PAPPA2: variants seen among roughly 807,000 people sequenced by gnomAD.
The protein encoded by PAPPA2 is pappalysin 2.
Under a neutral mutation model 176.4 loss-of-function variants are expected in PAPPA2, and 86 were observed. That is an observed-to-expected ratio of 0.49 (90% confidence interval 0.41 to 0.58). The LOEUF is 0.58. PAPPA2 is among the 20% of genes least tolerant of loss of function. PAPPA2 has a pLI of 0.00. For missense variants in PAPPA2, 2,073 were observed against 2,256.9 expected, an observed-to-expected ratio of 0.92 and a Z score of 1.65; for synonymous variants, 809 against 852.2, an observed-to-expected ratio of 0.95 and a Z score of 0.88.
At chr1:176,776,783 A>T (rs1178820877) in intron 17 of PAPPA2, among the ~76,000 whole-genome samples, 2 of 151,848 alleles carry the variant, frequency 1.3e-5, no homozygotes, top group Non-Finnish European at 2.9e-5. Context: ...AATACCCCAT[A>T]ATTTCTCATA....
chr1:176,700,253 G>T (rs990406377), intron 8 of PAPPA2, among the ~76,000 whole-genome samples: 5 of 152,156 alleles, frequency 3.3e-5, no homozygotes, highest in African/African-American at 1.2e-4. Context: ...TACTTACAAA[G>T]AATTCAATAT....
intron 21 of PAPPA2, among the ~76,000 whole-genome samples, chr1:176,831,654 G>C (rs74565892): frequency 0.031 from 4,675 of 152,266 alleles, 252 homozygotes; most frequent in African/African-American, 0.11. Context: ...GTGAGGTAGA[G>C]AGTTTGTGTG....
At chr1:176,543,094 T>G (rs1650446087) in intron 1 of PAPPA2, among the ~76,000 whole-genome samples, 1 of 152,212 alleles carries the variant, frequency 6.6e-6, no homozygotes, top group Non-Finnish European at 1.5e-5. Context: ...TCTCTGTTAC[T>G]CTATTTCAGA....
chr1:176,715,940 G>A (rs1389082444), intron 12 of PAPPA2, among the ~76,000 whole-genome samples: 1 of 151,716 alleles, frequency 6.6e-6, no homozygotes, highest in African/African-American at 2.4e-5. Context: ...AACAAGGCAA[G>A]TCTATGCAGT....
At chr1:176,514,227 G>A (rs553119808) in intron 1 of PAPPA2, among the ~76,000 whole-genome samples, 1 of 152,286 alleles carries the variant, frequency 6.6e-6, no homozygotes, top group South Asian at 2.1e-4. Context: ...TAAATGGGGA[G>A]CTGGCACATC....
At chr1:176,725,482 C>A (rs988132132) in intron 12 of PAPPA2, among the ~76,000 whole-genome samples, 2 of 152,126 alleles carry the variant, frequency 1.3e-5, no homozygotes, top group Non-Finnish European at 2.9e-5. Flanking sequence ...GAATGAATTA[C>A]CATCTTCACC....
At chr1:176,808,710 A>C (rs532795631) in intron 21 of PAPPA2, among the ~76,000 whole-genome samples, 1 of 152,260 alleles carries the variant, frequency 6.6e-6, no homozygotes, top group East Asian at 1.9e-4. Context: ...CATGGATCTC[A>C]TTCTACTTTC....
intron 1 of PAPPA2, among the ~76,000 whole-genome samples, chr1:176,467,967 G>A (rs547795447): frequency 4.6e-5 from 7 of 152,248 alleles, no homozygotes; most frequent in African/African-American, 1.7e-4. Context: ...ACCTAAGAGG[G>A]GCTGGCTGGG....
At chr1:176,604,169 C>G (rs1230861985) in intron 3 of PAPPA2, among the ~76,000 whole-genome samples, 2 of 152,300 alleles carry the variant, frequency 1.3e-5, no homozygotes, top group East Asian at 3.9e-4. Context: ...AAGTCAGTTT[C>G]TAGGTGAGGC....
At chr1:176,726,071 C>T (rs562944279) in intron 12 of PAPPA2, among the ~76,000 whole-genome samples, 16 of 152,332 alleles carry the variant, frequency 1.1e-4, no homozygotes, top group Middle Eastern at 6.8e-3. Context: ...TGAGCCACCG[C>T]GCCCGGCCAG....
At chr1:176,733,216 A>G (rs926808094) in intron 12 of PAPPA2, among the ~76,000 whole-genome samples, 1 of 152,154 alleles carries the variant, frequency 6.6e-6, no homozygotes, top group Non-Finnish European at 1.5e-5. Context: ...CTACTTGAGG[A>G]GGCAGAAAAT....
At chr1:176,475,415 A>G (rs1339914477) in intron 1 of PAPPA2, among the ~76,000 whole-genome samples, 1 of 152,216 alleles carries the variant, frequency 6.6e-6, no homozygotes, top group East Asian at 1.9e-4. Flanking sequence ...GCCCAACATA[A>G]GTTGTTACTG....
chr1:176,721,519 C>G (rs1661618309), intron 12 of PAPPA2, among the ~76,000 whole-genome samples: 1 of 152,110 alleles, frequency 6.6e-6, no homozygotes, highest in Non-Finnish European at 1.5e-5. Context: ...ATTTGGCATT[C>G]ATTTTCAAAT....
chr1:176,595,688 C>A, intron 3 of PAPPA2, 93 bp downstream of exon 3: 1 of 1,220,546 alleles, frequency 8.2e-7, no homozygotes, highest in Non-Finnish European at 1.1e-6. Flanking sequence ...TGTTCACACA[C>A]TCCCTGAATA....
chr1:176,541,291 T>A (rs1179495689), intron 1 of PAPPA2, among the ~76,000 whole-genome samples: 2 of 152,234 alleles, frequency 1.3e-5, no homozygotes, highest in Non-Finnish European at 2.9e-5. Context: ...ATCTTGACAG[T>A]GCATTAACAG....
At chr1:176,644,905 G>A (rs1274182249) in intron 3 of PAPPA2, among the ~76,000 whole-genome samples, 1 of 151,788 alleles carries the variant, frequency 6.6e-6, no homozygotes, top group East Asian at 1.9e-4. Flanking sequence ...CCAGGAAAGA[G>A]CACAACACAG....
chr1:176,804,403 T>A (rs1175869889), intron 21 of PAPPA2, among the ~76,000 whole-genome samples: 2 of 152,148 alleles, frequency 1.3e-5, no homozygotes, highest in South Asian at 2.1e-4. Flanking sequence ...TGCTGAAATA[T>A]AGTGAGTGGA....
At chr1:176,566,236 C>G (rs1651971830) in intron 2 of PAPPA2, among the ~76,000 whole-genome samples, 1 of 152,110 alleles carries the variant, frequency 6.6e-6, no homozygotes, top group Non-Finnish European at 1.5e-5. Flanking sequence ...AGGGTTAGAT[C>G]TGGGCCTTTG....
intron 14 of PAPPA2, among the ~76,000 whole-genome samples, chr1:176,757,579 G>T (rs1454735571): frequency 6.6e-6 from 1 of 152,116 alleles, no homozygotes. Flanking sequence ...ATTTGTTTAA[G>T]TTCTTTGTAG....
Sources: allele counts gnomAD v4.1 joint callset (sites outside exome capture counted in the v4.1 genomes callset), GRCh38; gene constraint gnomAD v4.1.1; transcripts MANE v1.5; gene names NCBI Gene and HGNC (gene_info 2026-07-23, HGNC 2026-07-21).